The following RAB11FIP4 variants were observed in gnomAD, a reference collection of about 807,000 sequenced individuals.
RAB11FIP4 encodes the protein rab11 family-interacting protein 4.
RAB11FIP4 carries 23 observed loss-of-function variants against 74.3 expected under a neutral mutation model. The ratio of observed to expected loss-of-function variants is 0.31; its 90% CI spans 0.22 to 0.44. The LOEUF (loss-of-function observed/expected upper bound fraction) is 0.44, where lower values mean the gene tolerates loss of function less well. Among genes scored for constraint, RAB11FIP4 ranks in the 20% least tolerant of loss-of-function variants. RAB11FIP4 has a pLI of 1.00. For synonymous variants in RAB11FIP4, 360 were observed against 359.9 expected (o/e 1.00, Z 0.00); for missense variants, 630 against 863.9 (o/e 0.73, Z 3.39).
At chr17:31,477,137 G>A (rs2071801473) in intron 3 of RAB11FIP4, among the ~76,000 whole-genome samples, 1 of 152,232 alleles carries the variant, frequency 6.6e-6, no homozygotes, top group Non-Finnish European at 1.5e-5. Flanking sequence ...GATAATTTAG[G>A]AGACAATTGC....
chr17:31,523,712 C>T, intron 8 of RAB11FIP4, 101 bp downstream of exon 8: 1 of 1,240,520 alleles, frequency 8.1e-7, no homozygotes, highest in South Asian at 1.2e-5. Flanking sequence ...AGACCCTGTA[C>T]CTGCCTAGGA....
chr17:31,440,615 A>G (rs920097711), intron 3 of RAB11FIP4, among the ~76,000 whole-genome samples: 2 of 152,180 alleles, frequency 1.3e-5, no homozygotes, highest in African/African-American at 4.8e-5. Context: ...CTAAAAATAC[A>G]AAAATTAACC....
chr17:31,529,094 CTTTTTTT>C (rs10701171), intron 13 of RAB11FIP4, among the ~76,000 whole-genome samples: 1 of 133,626 alleles, frequency 7.5e-6, no homozygotes, highest in Non-Finnish European at 1.6e-5. Flanking sequence ...CCCAAGGTTC[CTTTTTTT>C]TTTTTTTTTT....
chr17:31,423,497 C>T (rs9903874), intron 1 of RAB11FIP4, among the ~76,000 whole-genome samples: 3,629 of 152,248 alleles, frequency 0.024, 132 homozygotes, highest in African/African-American at 0.081. Flanking sequence ...CTTCCTAAAG[C>T]CTTAGGGTTA....
intron 3 of RAB11FIP4, among the ~76,000 whole-genome samples, chr17:31,455,526 T>C (rs1423690549): frequency 6.6e-6 from 1 of 152,182 alleles, no homozygotes; most frequent in African/African-American, 2.4e-5. Flanking sequence ...CAGGGTGGCA[T>C]ATTTGGATCC....
chr17:31,445,578 A>ATTTTT (rs61393689), intron 3 of RAB11FIP4, among the ~76,000 whole-genome samples: 9 of 16,278 alleles, frequency 5.5e-4, no homozygotes, highest in African/African-American at 9.2e-4. Context: ...ATATATATAT[A>ATTTTT]TTTTTTTTTT....
intron 3 of RAB11FIP4, chr17:31,488,205 C>G (rs1405607618): frequency 9.0e-7 from 1 of 1,112,818 alleles, no homozygotes; most frequent in Non-Finnish European, 1.1e-6. Context: ...GACCCGCGCC[C>G]GCTGGCTTCC....
chr17:31,516,441 CAAAG>C (rs977706236), intron 3 of RAB11FIP4, among the ~76,000 whole-genome samples: 3 of 152,096 alleles, frequency 2.0e-5, no homozygotes, highest in Admixed American at 6.6e-5. Context: ...ACAAACAAAA[CAAAG>C]AATGAAGCAA....
At chr17:31,520,786 G>A (rs62063894) in intron 4 of RAB11FIP4, 3,255 of 152,532 alleles carry the variant, frequency 0.021, 63 homozygotes, top group Non-Finnish European at 0.033. Context: ...GGTTACAGGC[G>A]TGAGCCACCG....
chr17:31,464,785 A>G (rs1388945833), intron 3 of RAB11FIP4, among the ~76,000 whole-genome samples: 4 of 85,028 alleles, frequency 4.7e-5, no homozygotes, highest in African/African-American at 1.8e-4. Context: ...TTTTGAGACA[A>G]GGTCTTTCTC....
chr17:31,442,959 C>CAAAA lies in RAB11FIP4; in HGVS notation c.336+8849_336+8852dup, dbSNP rs11435501. Among the ~76,000 whole-genome samples, 239 of 129,508 alleles carry CAAAA rather than the reference C, an allele frequency of 1.8e-3. 1 individual carries two copies. The highest frequency in any genetic ancestry group is 6.2e-3 in the African/African-American group (224 of 35,928). The allele number at this position is 129,508 out of a possible 152,430, so 85.0% of individuals were successfully genotyped here. A position where few individuals can be genotyped will look rare whatever the true frequency, so the allele number is the denominator to read the frequency against. ...TGGGCAACAGAGTGAGACTCTGTCTCAAAAAAAAAAAAAAAGAAAAGGATG... is the reference window on the plus strand; with the variant it reads ...TGGGCAACAGAGTGAGACTCTGTCTCAAAAAAAAAAAAAAAAAAAGAAAAGGATG... On this transcript the variant is annotated intron_variant, in intron 3 of 14. Coordinates refer to ENST00000621161, the MANE Select transcript of RAB11FIP4 (RefSeq NM_032932.6).
intron 1 of RAB11FIP4, among the ~76,000 whole-genome samples, chr17:31,408,050 A>G (rs2071058799): frequency 6.6e-6 from 1 of 151,864 alleles, no homozygotes; most frequent in Non-Finnish European, 1.5e-5. Flanking sequence ...TCTGAGTATC[A>G]CTATGAACTT....
Position 31,431,808 on chromosome 17 carries a change from C to T in RAB11FIP4, c.160-5C>T. On this transcript the variant is annotated splice_polypyrimidine_tract_variant and splice_region_variant and intron_variant, in intron 1 of 14. Coordinates refer to ENST00000621161, the MANE Select transcript of RAB11FIP4 (RefSeq NM_032932.6). ...CTCACACCTGTCCCTGCTTCATTCC[C>T]ACAGGTGGAAAAACTTGTGAAATAT... 1.9e-6 allele frequency: 3 copies of T among 1,610,558 alleles called. No individual in the cohort carries two copies. The highest frequency in any genetic ancestry group is 1.3e-5 in the African/African-American group (1 of 74,984).
At chr17:31,487,945 G>T in intron 3 of RAB11FIP4, 1 of 703,680 alleles carries the variant, frequency 1.4e-6, no homozygotes, top group Non-Finnish European at 1.8e-6. Flanking sequence ...TTCCGGGGCC[G>T]CGTCCCTGTC....
intron 6 of RAB11FIP4, 93 bp downstream of exon 6, chr17:31,522,142 T>G: frequency 1.3e-6 from 2 of 1,528,706 alleles, no homozygotes; most frequent in Non-Finnish European, 1.8e-6. Context: ...CGACCCCTGC[T>G]GTCTGGGCAG....
intron 2 of RAB11FIP4, among the ~76,000 whole-genome samples, chr17:31,433,601 C>T (rs963359797): frequency 5.9e-5 from 9 of 152,180 alleles, no homozygotes; most frequent in African/African-American, 1.2e-4. Context: ...AGCTGTCCTG[C>T]GGGCAGCCCT....
intron 14 of RAB11FIP4, 71 bp downstream of exon 14, chr17:31,530,540 G>T: frequency 6.4e-7 from 1 of 1,570,418 alleles, no homozygotes; most frequent in Non-Finnish European, 8.7e-7. Flanking sequence ...GCCCCCACCT[G>T]CCCAGAGTGA....
intron 1 of RAB11FIP4, among the ~76,000 whole-genome samples, chr17:31,399,585 C>T (rs4795607): frequency 0.58 from 88,024 of 151,326 alleles, 25,887 homozygotes; most frequent in Middle Eastern, 0.65. Flanking sequence ...TGGTGGCATG[C>T]GCCTGTAGTC....
chr17:31,437,269 G>T (rs981674083), intron 3 of RAB11FIP4, among the ~76,000 whole-genome samples: 5 of 152,144 alleles, frequency 3.3e-5, no homozygotes, highest in Non-Finnish European at 7.3e-5. Flanking sequence ...GGCACAATCC[G>T]AAGACCAGCC....
Sources: gnomAD v4.1 joint callset for allele counts (sites outside exome capture counted in the v4.1 genomes callset) on GRCh38, gnomAD v4.1.1 for gene constraint, MANE v1.5 for transcripts, NCBI Gene and HGNC (gene_info 2026-07-23, HGNC 2026-07-21) for gene names.